The following ABHD2 variants were observed in gnomAD, a reference collection of about 807,000 sequenced individuals.
The protein encoded by ABHD2 is monoacylglycerol lipase ABHD2.
ABHD2 carries 20 observed loss-of-function variants against 48.1 expected under a neutral mutation model. The observed-to-expected ratio is 0.42, with a 90% CI of 0.29 to 0.60. The LOEUF is 0.60. Among genes scored for constraint, ABHD2 ranks in the 20% least tolerant of loss-of-function variants. The pLI, the probability that ABHD2 is intolerant of heterozygous loss-of-function variation, is 0.24. For missense variants in ABHD2, 405 were observed against 550.9 expected (o/e 0.74, Z 2.65); for synonymous variants, 209 against 214.2 (o/e 0.98, Z 0.21).
At chr15:89,074,349 T>TG in the ABHD2 span, among the ~76,000 whole-genome samples, 2 of 149,034 alleles carry the variant, frequency 1.3e-5, no homozygotes, top group Non-Finnish European at 3.0e-5. Context: ...GCATCCAGCC[T>TG]GGGGGGCAAG....
rs200218946 is a variant in ABHD2, at chr15:89,175,880, G to A, written c.607G>A (p.Val203Ile). Residue 203 changes from valine to isoleucine, a missense_variant, in exon 6 of 11, where the codon GTC becomes ATC. Transcript: ENST00000352732. The surrounding 1 kb of genome is among the most constrained non-coding windows in gnomAD (Gnocchi z 5.7). The stretch of plus-strand genomic sequence containing the variant: ...GACATATCCCCTGACCCAGCTGGTC[G>A]TCGTGGGCTTCAGCCTGGGTGGTAA... ...KKTYPLTQLVVVGFSLGGNIV... is the reference protein window; with the variant it reads ...KKTYPLTQLVIVGFSLGGNIV... 11 of 1,614,096 alleles carry A rather than the reference G, an allele frequency of 6.8e-6. No homozygotes were observed. The East Asian group carries it at 8.9e-5, about 13-fold the overall frequency.
In ABHD2 at chr15:89,182,443, AC is replaced by A. The variant is rs2051129283; in HGVS notation, c.723-2977del. Among the ~76,000 whole-genome samples, 1 of 151,878 alleles carries A rather than the reference AC, an allele frequency of 6.6e-6. No individual in the cohort carries two copies. The highest frequency in any genetic ancestry group is 2.4e-5 in the African/African-American group (1 of 41,346). ...CCCAGCCTGGGGAGCAGTTCCTGCCACCCCTTCTCTCTTCTGGAGAACATAG... is the reference window on the plus strand; with the variant it reads ...CCCAGCCTGGGGAGCAGTTCCTGCCACCCTTCTCTCTTCTGGAGAACATAG... On this transcript the variant is annotated intron_variant, in intron 6 of 10. Transcript: ENST00000352732. This position sits in a 1 kb window ranked among gnomAD's most constrained non-coding sequence, Gnocchi z 4.8.
chr15:89,075,094 A>G, the ABHD2 span, among the ~76,000 whole-genome samples: 1 of 152,300 alleles, frequency 6.6e-6, no homozygotes, highest in South Asian at 2.1e-4. This position sits in a 1 kb window ranked among gnomAD's most constrained non-coding sequence, Gnocchi z 4.1. Context: ...CAATTGAACA[A>G]GCGTGTTTTA....
rs1351616891 is a variant in ABHD2, at chr15:89,174,642, A to G, written c.539-1170A>G. On this transcript the variant is annotated intron_variant, in intron 5 of 10. Coordinates refer to ENST00000352732, the MANE Select transcript of ABHD2 (RefSeq NM_152924.5). This position sits in a 1 kb window ranked among gnomAD's most constrained non-coding sequence, Gnocchi z 4.1. ...TGCCAAAACCTCTGAGCTGGTGCCAAAGTCAACAACTCCCGTTTCCATTGT... is the reference window on the plus strand; with the variant it reads ...TGCCAAAACCTCTGAGCTGGTGCCAGAGTCAACAACTCCCGTTTCCATTGT... Among the ~76,000 whole-genome samples the G allele has an allele frequency of 6.6e-6, 1 of 152,244 alleles. No homozygotes were observed. Among genetic ancestry groups the G allele is most frequent in the African/African-American group, 2.4e-5 (1 of 41,466 alleles).
intron 9 of ABHD2, among the ~76,000 whole-genome samples, chr15:89,192,695 A>G (rs1179890908): frequency 6.6e-6 from 1 of 151,878 alleles, no homozygotes; most frequent in East Asian, 1.9e-4. Context: ...GATTTGTTCT[A>G]TTTTTGTTTT....
intron 6 of ABHD2, among the ~76,000 whole-genome samples, chr15:89,178,818 C>T (rs1451162340): frequency 6.6e-6 from 1 of 152,186 alleles, no homozygotes; most frequent in Non-Finnish European, 1.5e-5. Context: ...CAGCCTTGAA[C>T]AAGGCTGACT....
Position 89,173,702 on chromosome 15 carries a change from C to G in ABHD2, c.539-2110C>G, listed in dbSNP as rs185319740. 6.2e-4 allele frequency among the ~76,000 whole-genome samples: 95 copies of G among 152,342 alleles called. No homozygotes were observed. Among genetic ancestry groups the G allele is most frequent in the African/African-American group, 2.3e-3 (94 of 41,572 alleles). ...CAGGTTTTTGTTCCTTCCCTGTCCT[C>G]AGGGCCCATTCAGAGGCCTTGTCAT... is the stretch of plus-strand genomic sequence containing the variant. On this transcript the variant is annotated intron_variant, in intron 5 of 10. Transcript: ENST00000352732. This position sits in a 1 kb window ranked among gnomAD's most constrained non-coding sequence, Gnocchi z 6.5.
intron 3 of ABHD2, among the ~76,000 whole-genome samples, chr15:89,140,707 G>C (rs144188393): frequency 6.6e-6 from 1 of 152,112 alleles, no homozygotes; most frequent in Admixed American, 6.6e-5. Flanking sequence ...CGTCACCTCT[G>C]CTGGTACCAG....
the ABHD2 span, among the ~76,000 whole-genome samples, chr15:89,068,655 G>A: frequency 1.3e-5 from 2 of 151,586 alleles, no homozygotes; most frequent in Admixed American, 1.3e-4. Flanking sequence ...TTATGACCTG[G>A]CCTCAGAAGT....
chr15:89,111,080 A>G (rs1336753638), intron 1 of ABHD2, among the ~76,000 whole-genome samples: 1 of 152,234 alleles, frequency 6.6e-6, no homozygotes, highest in Non-Finnish European at 1.5e-5. Context: ...AAGCTCAGAT[A>G]AATTAATTAA....
rs75045708 is a variant in ABHD2, at chr15:89,113,159, C to G, written c.-106-566C>G. Among the ~76,000 whole-genome samples the G allele has an allele frequency of 2.3e-3, 344 of 152,328 alleles. 4 individuals are homozygous for G. The East Asian group carries it at 0.039, about 17-fold the overall frequency. On this transcript the variant is annotated intron_variant, in intron 1 of 10. Transcript: ENST00000352732. The stretch of plus-strand genomic sequence containing the variant: ...TTTAGCTTCTGGCGCTTCTCAGCAG[C>G]CAGCCTCTGGCCATAGTCTGAACTC...
chr15:89,075,291 A>T, the ABHD2 span: 1 of 152,178 alleles, frequency 6.6e-6, no homozygotes, highest in Non-Finnish European at 1.5e-5. The surrounding 1 kb of genome is among the most constrained non-coding windows in gnomAD (Gnocchi z 4.1). Context: ...ATCTACATCT[A>T]TTAGGAATGG....
intron 5 of ABHD2, among the ~76,000 whole-genome samples, chr15:89,161,592 G>A (rs918877894): frequency 2.6e-5 from 4 of 152,002 alleles, no homozygotes; most frequent in African/African-American, 7.2e-5. Flanking sequence ...GTAGAGACAG[G>A]GTTTCACCAT....
At chr15:89,057,702 T>G in the ABHD2 span, among the ~76,000 whole-genome samples, 1 of 150,842 alleles carries the variant, frequency 6.6e-6, no homozygotes, top group South Asian at 2.1e-4. Flanking sequence ...CGCTGCTCCC[T>G]CTCCAACTGG....
At chr15:89,063,949 C>T in the ABHD2 span, among the ~76,000 whole-genome samples, 1 of 152,004 alleles carries the variant, frequency 6.6e-6, no homozygotes, top group South Asian at 2.1e-4. Flanking sequence ...TAACAGGCCA[C>T]GGACAGGTGC....
chr15:89,086,650 G>A (rs990782507), upstream of ABHD2, among the ~76,000 whole-genome samples: 4 of 152,146 alleles, frequency 2.6e-5, no homozygotes, highest in East Asian at 3.9e-4. Flanking sequence ...CCTGGGCTCC[G>A]CCTCAGCTTC....
rs1475156484 is a variant in ABHD2 at position 89,189,369 on chromosome 15, T to TCCTAA, written c.926+1066_926+1067insCCTAA. Among the ~76,000 whole-genome samples, 4 of 151,804 alleles carry TCCTAA rather than the reference T, an allele frequency of 2.6e-5. No homozygotes were observed. The highest frequency in any genetic ancestry group is 5.9e-5 in the Non-Finnish European group (4 of 67,974). ...ATAGCCGGGCATAGTGGCACACACCTGTAGTCCCAGCTGCTTAGGAGGCTG... is the reference window on the plus strand; with the variant it reads ...ATAGCCGGGCATAGTGGCACACACCTCCTAAGTAGTCCCAGCTGCTTAGGAGGCTG... On this transcript the variant is annotated intron_variant, in intron 8 of 10. Coordinates refer to ENST00000352732, the MANE Select transcript of ABHD2 (RefSeq NM_152924.5). This position sits in a 1 kb window ranked among gnomAD's most constrained non-coding sequence, Gnocchi z 4.9.
chr15:89,191,529 C>G (rs1307478448), intron 9 of ABHD2, among the ~76,000 whole-genome samples: 1 of 152,124 alleles, frequency 6.6e-6, no homozygotes, highest in African/African-American at 2.4e-5. Context: ...ACCATAGTGC[C>G]TAAGACTGAA....
rs992923396 is a variant in ABHD2 at position 89,174,732 on chromosome 15, C to T, written c.539-1080C>T. Among the ~76,000 whole-genome samples the T allele has an allele frequency of 6.6e-6, 1 of 152,170 alleles. No individual in the cohort carries two copies. The highest frequency in any genetic ancestry group is 1.5e-5 in the Non-Finnish European group (1 of 68,024). The stretch of plus-strand genomic sequence containing the variant: ...CTTTGCGTCGACATCCCTATCTTTC[C>T]ATGTTAGATTTTAAATTGGCTCCCT... On this transcript the variant is annotated intron_variant, in intron 5 of 10. Coordinates refer to ENST00000352732, the MANE Select transcript of ABHD2 (RefSeq NM_152924.5). This position sits in a 1 kb window ranked among gnomAD's most constrained non-coding sequence, Gnocchi z 4.1.
Sources: allele counts gnomAD v4.1 joint callset (sites outside exome capture counted in the v4.1 genomes callset), GRCh38; gene constraint gnomAD v4.1.1; non-coding constraint Gnocchi (gnomAD v3.1); transcripts MANE v1.5; gene names NCBI Gene and HGNC (gene_info 2026-07-23, HGNC 2026-07-21).